Variants in CCNY observed in about 807,000 individuals in gnomAD.
CCNY encodes cyclin Y.
In CCNY, 19 loss-of-function variants were observed where a neutral mutation model predicts 42.8. That is an observed-to-expected ratio of 0.44 (90% CI 0.31 to 0.65). The LOEUF (loss-of-function observed/expected upper bound fraction) is 0.65, where lower values mean the gene tolerates loss of function less well. Ranked by LOEUF, CCNY falls within the 30% of genes least tolerant of loss-of-function variation. The pLI, the probability that CCNY is intolerant of heterozygous loss-of-function variation, is 0.07. For missense variants in CCNY, 370 were observed against 437.3 expected (o/e 0.85, Z 1.37); for synonymous variants, 165 against 162.7 (o/e 1.01, Z -0.11).
intron 2 of CCNY, among the ~76,000 whole-genome samples, chr10:35,485,399 T>C (rs1388050306): frequency 2.0e-5 from 3 of 152,246 alleles, no homozygotes; most frequent in Non-Finnish European, 4.4e-5. Flanking sequence ...AACAATTGCT[T>C]TATAAATAAT....
chr10:35,504,997 A>C (rs1400709062), intron 3 of CCNY, among the ~76,000 whole-genome samples: 2 of 151,732 alleles, frequency 1.3e-5, no homozygotes, highest in Non-Finnish European at 2.9e-5. Context: ...AAAGGGATTT[A>C]TGTAAAGTTT....
chr10:35,324,143 A>G (rs756136067), intron 3 of CCNY, among the ~76,000 whole-genome samples: 53 of 152,128 alleles, frequency 3.5e-4, no homozygotes, highest in Non-Finnish European at 6.9e-4. Context: ...AATTCCTTTA[A>G]GAAGCCTCCA....
intron 5 of CCNY, among the ~76,000 whole-genome samples, chr10:35,529,180 T>G (rs115853028): frequency 0.019 from 2,828 of 152,316 alleles, 76 homozygotes; most frequent in African/African-American, 0.055. Flanking sequence ...AAAGACTTTT[T>G]ATCTGTCACC....
At chr10:35,323,434 T>C (rs1835844226) in intron 3 of CCNY, among the ~76,000 whole-genome samples, 1 of 152,172 alleles carries the variant, frequency 6.6e-6, no homozygotes, top group East Asian at 1.9e-4. Context: ...ATACATACAC[T>C]GGAAAAATAC....
At chr10:35,261,275 G>A (rs975416414) in intron 3 of CCNY, among the ~76,000 whole-genome samples, 5 of 143,416 alleles carry the variant, frequency 3.5e-5, no homozygotes, top group African/African-American at 1.1e-4. Flanking sequence ...AGTCTCTGTC[G>A]CCGAGGCTGG....
At chr10:35,568,807 G>A (rs1419770604) in intron 9 of CCNY, among the ~76,000 whole-genome samples, 9 of 152,262 alleles carry the variant, frequency 5.9e-5, no homozygotes, top group Non-Finnish European at 1.0e-4. Flanking sequence ...ACTGTGAGGT[G>A]ACACTGTACT....
intron 3 of CCNY, among the ~76,000 whole-genome samples, chr10:35,282,923 G>A (rs901825543): frequency 2.0e-5 from 3 of 152,018 alleles, no homozygotes; most frequent in Admixed American, 6.6e-5. Context: ...TAGTGCGCCC[G>A]AGAGAGTTCC....
rs936651233 is a variant in CCNY, at chr10:35,565,752, C to CTG, written c.747-261_747-260dup. Among the ~76,000 whole-genome samples, 10 of 152,338 alleles carry CTG rather than the reference C, an allele frequency of 6.6e-5. No homozygotes were observed. In the South Asian group the frequency reaches 1.2e-3, roughly 19 times the overall value. On this transcript the variant is annotated intron_variant, in intron 8 of 9. Transcript: ENST00000374704. ...CACGGAGACCTGCAGCCAGAGCCTG[C>CTG]TGTGTGTGTGTTAGATCTCAGTGAA... is the stretch of plus-strand genomic sequence containing the variant.
At chr10:35,339,580 T>A (rs1347113838) in intron 1 of CCNY, among the ~76,000 whole-genome samples, 1 of 152,226 alleles carries the variant, frequency 6.6e-6, no homozygotes, top group Non-Finnish European at 1.5e-5. Context: ...AAAGCTGAAG[T>A]ACTCAAATAC....
chr10:35,341,851 T>C (rs747501943), intron 1 of CCNY, among the ~76,000 whole-genome samples: 12 of 152,184 alleles, frequency 7.9e-5, no homozygotes, highest in Non-Finnish European at 1.6e-4. Flanking sequence ...ACCTGGCTAA[T>C]GGGAATCTGT....
intron 3 of CCNY, among the ~76,000 whole-genome samples, chr10:35,291,378 A>G (rs1016236166): frequency 6.6e-6 from 1 of 152,102 alleles, no homozygotes; most frequent in Admixed American, 6.6e-5. Context: ...TTATAGCATT[A>G]TTAGTACATT....
chr10:35,394,539 A>T (rs1005255100), intron 1 of CCNY, among the ~76,000 whole-genome samples: 13 of 152,194 alleles, frequency 8.5e-5, no homozygotes, highest in Non-Finnish European at 1.3e-4. Flanking sequence ...TCTGAAGTTG[A>T]AGTGTATGGG....
At chr10:35,521,855 G>T (rs960511396) in intron 4 of CCNY, among the ~76,000 whole-genome samples, 5 of 152,120 alleles carry the variant, frequency 3.3e-5, no homozygotes, top group African/African-American at 1.2e-4. Flanking sequence ...CTTGGATGGG[G>T]CTTCGTGGCT....
intron 7 of CCNY, among the ~76,000 whole-genome samples, chr10:35,535,556 G>A (rs1052140005): frequency 2.6e-5 from 4 of 152,106 alleles, no homozygotes; most frequent in Non-Finnish European, 4.4e-5. Flanking sequence ...ATACGTATAT[G>A]TATGAGAGAC....
chr10:35,455,365 A>G (rs952865956), intron 1 of CCNY: 2 of 152,202 alleles, frequency 1.3e-5, no homozygotes, highest in Admixed American at 6.5e-5. Context: ...AGCACAGGGA[A>G]TCTACTAGAG....
At chr10:35,328,992 A>G (rs946407172) in intron 3 of CCNY, among the ~76,000 whole-genome samples, 1 of 152,248 alleles carries the variant, frequency 6.6e-6, no homozygotes, top group Non-Finnish European at 1.5e-5. Context: ...ATCATAATAC[A>G]TCTTGATAAG....
chr10:35,483,118 A>G (rs112941597), intron 1 of CCNY, among the ~76,000 whole-genome samples: 2 of 152,122 alleles, frequency 1.3e-5, no homozygotes, highest in African/African-American at 2.4e-5. Context: ...CTGTCCTGCT[A>G]TTTTATAGTA....
chr10:35,401,977 A>C (rs1419934676), intron 1 of CCNY, among the ~76,000 whole-genome samples: 1 of 152,160 alleles, frequency 6.6e-6, no homozygotes, highest in Non-Finnish European at 1.5e-5. Flanking sequence ...TGTGCAGGTC[A>C]CTGGGAATAT....
At chr10:35,562,173 G>A (rs1368548238) in intron 8 of CCNY, among the ~76,000 whole-genome samples, 1 of 152,174 alleles carries the variant, frequency 6.6e-6, no homozygotes, top group Non-Finnish European at 1.5e-5. Context: ...TCATTTTCAT[G>A]TGTAGACAAA....
Sources: gnomAD v4.1 joint callset for allele counts (sites outside exome capture counted in the v4.1 genomes callset) on GRCh38, gnomAD v4.1.1 for gene constraint, MANE v1.5 for transcripts, NCBI Gene and HGNC (gene_info 2026-07-23, HGNC 2026-07-21) for gene names.